DLC1: variants seen among roughly 807,000 people sequenced by gnomAD.
DLC1 encodes the protein rho GTPase-activating protein 7.
DLC1 carries 54 observed loss-of-function variants against 140.3 expected under a neutral mutation model. That is an observed-to-expected ratio of 0.38 (90% CI 0.31 to 0.48). DLC1 has a LOEUF of 0.48. Ranked by LOEUF, DLC1 falls within the 20% of genes least tolerant of loss-of-function variation. The pLI, the probability that DLC1 is intolerant of heterozygous loss-of-function variation, is 0.96. For missense variants in DLC1, 2,536 were observed against 1,907.0 expected (o/e 1.33, Z -6.14); for synonymous variants, 986 against 728.1 (o/e 1.35, Z -5.70).
chr8:13,216,638 C>A (rs1364173585), intron 5 of DLC1, among the ~76,000 whole-genome samples: 1 of 152,150 alleles, frequency 6.6e-6, no homozygotes, highest in Non-Finnish European at 1.5e-5. Flanking sequence ...TCCTCTTTCT[C>A]TGAAATACTT....
chr8:13,491,403 C>T (rs184605771), intron 2 of DLC1, among the ~76,000 whole-genome samples: 3 of 152,110 alleles, frequency 2.0e-5, no homozygotes, highest in Admixed American at 2.0e-4. Context: ...TATGGACTCC[C>T]CTGCAAGCAT....
chr8:13,379,816 C>T (rs938984707), intron 4 of DLC1, among the ~76,000 whole-genome samples: 2 of 152,050 alleles, frequency 1.3e-5, no homozygotes, highest in African/African-American at 4.8e-5. Flanking sequence ...TATGCAGCCT[C>T]AAAAAAGATT....
intron 2 of DLC1, among the ~76,000 whole-genome samples, chr8:13,471,026 G>A (rs984395583): frequency 3.9e-5 from 6 of 151,968 alleles, no homozygotes; most frequent in African/African-American, 1.5e-4. Flanking sequence ...GTATGCAAAT[G>A]AAATAAGCCA....
chr8:13,416,524 G>A (rs1324822660), intron 2 of DLC1, among the ~76,000 whole-genome samples: 2 of 152,150 alleles, frequency 1.3e-5, no homozygotes, highest in African/African-American at 2.4e-5. Context: ...TGAACTTAAG[G>A]AGGGAAGTGG....
At position 13,251,512 on chromosome 8, in the gene DLC1, T is replaced by C. The variant is rs765054744; in HGVS notation, c.1348+53757A>G. On this transcript the variant is annotated intron_variant, in intron 5 of 17. Transcript: ENST00000276297. ...TTATTTATAATTTTAGTTTTTATTCTGGCAACAACTTTCCACCTCTTTTAC... is the reference window on the plus strand; with the variant it reads ...TTATTTATAATTTTAGTTTTTATTCCGGCAACAACTTTCCACCTCTTTTAC... Among the ~76,000 whole-genome samples the C allele has an allele frequency of 2.1e-4, 32 of 152,180 alleles. 1 individual carries two copies. The highest frequency in any genetic ancestry group is 1.5e-4 in the Non-Finnish European group (10 of 68,034).
chr8:13,370,191 C>G, intron 4 of DLC1, among the ~76,000 whole-genome samples: 1 of 151,842 alleles, frequency 6.6e-6, no homozygotes, highest in Non-Finnish European at 1.5e-5. Context: ...CTTCCTAGAG[C>G]ATATCATTAG....
chr8:13,098,274 T>C, intron 10 of DLC1, 125 bp downstream of exon 10: 2 of 1,231,870 alleles, frequency 1.6e-6, no homozygotes, highest in African/African-American at 1.5e-5. Context: ...GTGATTGCCA[T>C]AGGATGACAG....
At chr8:13,399,020 G>T (rs1392454634) in intron 3 of DLC1, among the ~76,000 whole-genome samples, 5 of 152,122 alleles carry the variant, frequency 3.3e-5, no homozygotes, top group Non-Finnish European at 7.3e-5. Flanking sequence ...AGAAGATCCA[G>T]GGAGACCAAA....
chr8:13,395,793 A>G (rs1444968883), intron 3 of DLC1, among the ~76,000 whole-genome samples: 1 of 151,512 alleles, frequency 6.6e-6, no homozygotes, highest in Non-Finnish European at 1.5e-5. Flanking sequence ...CATAACTCTG[A>G]GCAAATTTCT....
At chr8:13,244,297 A>ATTTT (rs60357765) in intron 5 of DLC1, among the ~76,000 whole-genome samples, 1 of 135,978 alleles carries the variant, frequency 7.4e-6, no homozygotes, top group Non-Finnish European at 1.6e-5. Context: ...TCCCTTTCCA[A>ATTTT]TTTTTTTTTT....
At chr8:13,144,316 A>G (rs753564919) in intron 5 of DLC1, among the ~76,000 whole-genome samples, 6 of 152,100 alleles carry the variant, frequency 3.9e-5, no homozygotes, top group Non-Finnish European at 8.8e-5. Context: ...TAGGCCTTCA[A>G]CCTCAGACTG....
chr8:13,397,474 A>G (rs1003443284), intron 3 of DLC1, among the ~76,000 whole-genome samples: 1 of 152,058 alleles, frequency 6.6e-6, no homozygotes, highest in Admixed American at 6.6e-5. Context: ...CACTGGCACT[A>G]CTGAATTTGT....
chr8:13,367,097 A>T (rs1225848222), intron 4 of DLC1, among the ~76,000 whole-genome samples: 1 of 152,168 alleles, frequency 6.6e-6, no homozygotes, highest in East Asian at 1.9e-4. Context: ...TAGAGGCCAG[A>T]TGACACTCAG....
chr8:13,143,879 C>T (rs1168786891), intron 5 of DLC1, among the ~76,000 whole-genome samples: 1 of 144,066 alleles, frequency 6.9e-6, no homozygotes, highest in Non-Finnish European at 1.5e-5. Flanking sequence ...GTTTTCCAGC[C>T]GTTTCAGCCC....
intron 1 of DLC1, among the ~76,000 whole-genome samples, chr8:13,570,332 C>A (rs1045037198): frequency 2.7e-5 from 4 of 148,376 alleles, no homozygotes; most frequent in Admixed American, 2.7e-4. Flanking sequence ...TTTAGGGTAC[C>A]TGTGCACATT....
At chr8:13,336,851 C>T (rs544814941) in intron 4 of DLC1, among the ~76,000 whole-genome samples, 1 of 151,566 alleles carries the variant, frequency 6.6e-6, no homozygotes, top group Admixed American at 6.6e-5. Context: ...TTGATGGTAA[C>T]CCAGGGAAAC....
chr8:13,187,843 C>T (rs55833215), intron 5 of DLC1, among the ~76,000 whole-genome samples: 99,468 of 151,988 alleles, frequency 0.65, 33,021 homozygotes, highest in East Asian at 0.86. Flanking sequence ...CCCAGGGATT[C>T]CTCGGCTCCC....
At chr8:13,434,135 C>T (rs981531162) in intron 2 of DLC1, among the ~76,000 whole-genome samples, 5 of 152,206 alleles carry the variant, frequency 3.3e-5, no homozygotes, top group African/African-American at 1.2e-4. Context: ...CCTCGGCCTC[C>T]CAAAGTACTG....
intron 2 of DLC1, among the ~76,000 whole-genome samples, chr8:13,478,265 G>A (rs1048168341): frequency 7.9e-5 from 12 of 151,904 alleles, no homozygotes; most frequent in Admixed American, 6.6e-4. Context: ...GAGAGAAGGG[G>A]GTAGGTGGAG....
Sources: gnomAD v4.1 joint callset for allele counts (sites outside exome capture counted in the v4.1 genomes callset) on GRCh38, gnomAD v4.1.1 for gene constraint, MANE v1.5 for transcripts, NCBI Gene and HGNC (gene_info 2026-07-23, HGNC 2026-07-21) for gene names.